The following TMEM232 variants were observed in gnomAD, a reference collection of about 807,000 sequenced individuals.
The protein encoded by TMEM232 is transmembrane protein 232.
Under a neutral mutation model 78.8 loss-of-function variants are expected in TMEM232, and 80 were observed. The ratio of observed to expected loss-of-function variants is 1.01; its 90% CI spans 0.85 to 1.22. The LOEUF is 1.22. Among genes scored for constraint, TMEM232 ranks in the 50% most tolerant of loss-of-function variants. The pLI is 0.00. For synonymous variants in TMEM232, 297 were observed against 254.3 expected (o/e 1.17, Z -1.60); for missense variants, 881 against 742.2 (o/e 1.19, Z -2.17).
At chr5:110,465,945 T>C (rs1161787854) in intron 12 of TMEM232, among the ~76,000 whole-genome samples, 5 of 152,144 alleles carry the variant, frequency 3.3e-5, no homozygotes, top group Non-Finnish European at 5.9e-5. Context: ...ATCTCCACTC[T>C]CATAATACAT....
At chr5:110,499,414 G>A (rs973164626) in intron 12 of TMEM232, among the ~76,000 whole-genome samples, 1 of 152,102 alleles carries the variant, frequency 6.6e-6, no homozygotes, top group Admixed American at 6.6e-5. Context: ...ACCATGCCTG[G>A]CTAATCTTTT....
chr5:110,570,889 C>T (rs1430403798), intron 10 of TMEM232, among the ~76,000 whole-genome samples: 2 of 151,954 alleles, frequency 1.3e-5, no homozygotes, highest in Admixed American at 1.3e-4. Flanking sequence ...CATTTTGGAA[C>T]ACATCTATCA....
At chr5:110,487,251 A>T (rs1301713866) in intron 12 of TMEM232, among the ~76,000 whole-genome samples, 1 of 151,982 alleles carries the variant, frequency 6.6e-6, no homozygotes, top group Non-Finnish European at 1.5e-5. Context: ...TCATATCTTC[A>T]GCAAACAGTG....
At chr5:110,549,865 G>A (rs1367517350) in intron 11 of TMEM232, among the ~76,000 whole-genome samples, 1 of 151,924 alleles carries the variant, frequency 6.6e-6, no homozygotes, top group African/African-American at 2.4e-5. Context: ...ATATCCATAA[G>A]CAAATAGCTT....
intron 3 of TMEM232, among the ~76,000 whole-genome samples, chr5:110,394,826 C>T (rs1755325611): frequency 6.6e-6 from 1 of 152,072 alleles, no homozygotes; most frequent in Non-Finnish European, 1.5e-5. Flanking sequence ...GTCTGTTCCA[C>T]CCTCAATTTT....
chr5:110,615,757 C>A (rs1277841893), intron 8 of TMEM232, among the ~76,000 whole-genome samples: 1 of 151,762 alleles, frequency 6.6e-6, no homozygotes, highest in African/African-American at 2.4e-5. Context: ...AAAAGCTAAC[C>A]AAAAGACTGT....
At chr5:110,434,214 G>T (rs1238687986) in intron 12 of TMEM232, among the ~76,000 whole-genome samples, 1 of 149,016 alleles carries the variant, frequency 6.7e-6, no homozygotes, top group East Asian at 2.0e-4. Context: ...ATTATTGATA[G>T]ACTGCTAACT....
At chr5:110,717,918 C>CA (rs1282395807) in intron 1 of TMEM232, among the ~76,000 whole-genome samples, 3 of 152,070 alleles carry the variant, frequency 2.0e-5, no homozygotes, top group Non-Finnish European at 2.9e-5. Flanking sequence ...ATAAATTACC[C>CA]AGTCTCAGGT....
downstream of TMEM232, chr5:110,418,271 C>T (rs1009003134): frequency 6.6e-6 from 1 of 152,040 alleles, no homozygotes; most frequent in African/African-American, 2.4e-5. Context: ...TGATATCACT[C>T]TTTACATAAA....
intron 12 of TMEM232, among the ~76,000 whole-genome samples, chr5:110,522,434 C>T (rs1769675615): frequency 6.6e-6 from 1 of 152,150 alleles, no homozygotes; most frequent in Non-Finnish European, 1.5e-5. Flanking sequence ...ATTATTCAAG[C>T]TAGGACTTCT....
At chr5:110,639,022 G>T (rs1444442575) in intron 4 of TMEM232, among the ~76,000 whole-genome samples, 1 of 152,164 alleles carries the variant, frequency 6.6e-6, no homozygotes, top group Non-Finnish European at 1.5e-5. Context: ...GTTTTGAGGA[G>T]CTTCCATGTA....
intron 2 of TMEM232, among the ~76,000 whole-genome samples, chr5:110,398,250 G>T (rs374043378): frequency 1.3e-5 from 2 of 152,072 alleles, no homozygotes; most frequent in East Asian, 1.9e-4. Context: ...TTATACTGAT[G>T]GGAAAAATTT....
At chr5:110,559,115 C>T (rs559853013) in intron 11 of TMEM232, among the ~76,000 whole-genome samples, 10 of 151,804 alleles carry the variant, frequency 6.6e-5, no homozygotes, top group East Asian at 3.9e-4. Context: ...TTCCCCTTTT[C>T]GGACTTTTCT....
intron 1 of TMEM232, among the ~76,000 whole-genome samples, chr5:110,716,228 G>A (rs569607764): frequency 6.6e-6 from 1 of 152,096 alleles, no homozygotes; most frequent in African/African-American, 2.4e-5. Context: ...ACAGCAGGGG[G>A]CCCCGATCTT....
chr5:110,682,190 G>A lies in TMEM232; in HGVS notation c.-12-14826C>T, dbSNP rs1300233686. Among the ~76,000 whole-genome samples the A allele has an allele frequency of 2.6e-5, 4 of 152,060 alleles. No homozygotes were observed. The South Asian group carries it at 6.2e-4, about 24-fold the overall frequency. ...AAAGATGATGTAAAAGGAAATAATA[G>A]CTTTAAGTAAATTAAAATTATCCTT... On this transcript the variant is annotated intron_variant, in intron 1 of 13. Coordinates refer to ENST00000455884, the MANE Select transcript of TMEM232 (RefSeq NM_001039763.4).
intron 10 of TMEM232, among the ~76,000 whole-genome samples, chr5:110,576,631 A>T (rs1441282986): frequency 2.0e-5 from 3 of 152,152 alleles, no homozygotes; most frequent in Non-Finnish European, 2.9e-5. Context: ...CCGACTTCAA[A>T]CTATACTGCG....
chr5:110,543,954 AT>A (rs1010150857), intron 11 of TMEM232, among the ~76,000 whole-genome samples: 12 of 152,202 alleles, frequency 7.9e-5, no homozygotes, highest in African/African-American at 2.7e-4. Flanking sequence ...CCATCTATGC[AT>A]AAATTTGTCT....
intron 12 of TMEM232, among the ~76,000 whole-genome samples, chr5:110,446,358 T>C (rs928783548): frequency 2.6e-5 from 4 of 152,202 alleles, no homozygotes; most frequent in African/African-American, 9.6e-5. Context: ...TTCAAAATTA[T>C]TCTGACAGCT....
At chr5:110,603,409 G>T (rs190940388) in intron 10 of TMEM232, among the ~76,000 whole-genome samples, 261 of 152,138 alleles carry the variant, frequency 1.7e-3, no homozygotes, top group African/African-American at 5.9e-3. Flanking sequence ...CAGAGTACAG[G>T]GGGTCATGAC....
Sources: gnomAD v4.1 joint callset for allele counts (sites outside exome capture counted in the v4.1 genomes callset) on GRCh38, gnomAD v4.1.1 for gene constraint, MANE v1.5 for transcripts, NCBI Gene and HGNC (gene_info 2026-07-23, HGNC 2026-07-21) for gene names.